The following ADAMTSL1 variants were observed in gnomAD, a reference collection of about 807,000 sequenced individuals.
ADAMTSL1 encodes the protein ADAMTS like 1.
A neutral mutation model predicts 201.8 loss-of-function variants in ADAMTSL1; 126 were observed. The ratio of observed to expected loss-of-function variants is 0.62; its 90% CI spans 0.54 to 0.72. ADAMTSL1 has a LOEUF of 0.72. Among genes scored for constraint, ADAMTSL1 ranks in the 30% least tolerant of loss-of-function variants. The pLI is 0.00. For missense variants in ADAMTSL1, 2,679 were observed against 2,277.8 expected (o/e 1.18, Z -3.59); for synonymous variants, 1,121 against 903.4 (o/e 1.24, Z -4.32).
chr9:18,433,989 T>C (rs1250852970), intron 2 of ADAMTSL1, among the ~76,000 whole-genome samples: 1 of 152,226 alleles, frequency 6.6e-6, no homozygotes, highest in Non-Finnish European at 1.5e-5. Flanking sequence ...AATTTTAGTG[T>C]TTCACACAGG....
At chr9:18,250,850 A>T (rs544730707) in intron 2 of ADAMTSL1, among the ~76,000 whole-genome samples, 2 of 152,182 alleles carry the variant, frequency 1.3e-5, no homozygotes, top group African/African-American at 2.4e-5. Context: ...TTCTACCACC[A>T]GCCCGTTTGC....
At chr9:18,901,327 C>T (rs4320629) in intron 26 of ADAMTSL1, among the ~76,000 whole-genome samples, 1 of 151,804 alleles carries the variant, frequency 6.6e-6, no homozygotes, top group Non-Finnish European at 1.5e-5. Flanking sequence ...TAAAAAGATG[C>T]TAGTTAACTC....
At chr9:18,207,932 G>A (rs994166236) in intron 2 of ADAMTSL1, among the ~76,000 whole-genome samples, 5 of 152,162 alleles carry the variant, frequency 3.3e-5, no homozygotes, top group African/African-American at 1.2e-4. Flanking sequence ...CTAGAGAGAA[G>A]CACTGTCTTG....
chr9:18,623,243 C>G (rs1367058167), intron 5 of ADAMTSL1, among the ~76,000 whole-genome samples: 3 of 140,736 alleles, frequency 2.1e-5, no homozygotes, highest in African/African-American at 8.1e-5. Context: ...TCAATACTAG[C>G]AAAAAAAAAA....
At chr9:18,245,928 T>C (rs1401973664) in intron 2 of ADAMTSL1, among the ~76,000 whole-genome samples, 1 of 152,204 alleles carries the variant, frequency 6.6e-6, no homozygotes, top group Non-Finnish European at 1.5e-5. Flanking sequence ...TTTTGTGGTC[T>C]GAATTGAAAT....
At chr9:18,336,534 G>A (rs981877769) in intron 2 of ADAMTSL1, among the ~76,000 whole-genome samples, 2 of 152,104 alleles carry the variant, frequency 1.3e-5, no homozygotes, top group Non-Finnish European at 2.9e-5. Flanking sequence ...GTAAAAAGTA[G>A]AACCATGTGG....
At chr9:18,475,427 G>A (rs1821400106) in intron 1 of ADAMTSL1, among the ~76,000 whole-genome samples, 1 of 152,136 alleles carries the variant, frequency 6.6e-6, no homozygotes, top group Admixed American at 6.6e-5. Context: ...ATCAAATAGA[G>A]TAATCAGACA....
intron 2 of ADAMTSL1, among the ~76,000 whole-genome samples, chr9:18,513,022 C>T (rs563570333): frequency 1.3e-5 from 2 of 152,206 alleles, no homozygotes; most frequent in African/African-American, 4.8e-5. Context: ...ACCAATTCTA[C>T]TTTTGCAGAA....
chr9:18,635,626 G>T (rs529287852), intron 5 of ADAMTSL1, among the ~76,000 whole-genome samples: 20 of 152,158 alleles, frequency 1.3e-4, no homozygotes, highest in African/African-American at 4.6e-4. Context: ...TTTTAATTCA[G>T]CCCAAGTGTT....
chr9:18,057,765 C>G (rs1213381588), intron 1 of ADAMTSL1, among the ~76,000 whole-genome samples: 1 of 152,204 alleles, frequency 6.6e-6, no homozygotes, highest in Non-Finnish European at 1.5e-5. Flanking sequence ...ATGCTGTTCC[C>G]TCTGCCAATA....
At chr9:18,006,175 G>A (rs1243201963) in intron 1 of ADAMTSL1, among the ~76,000 whole-genome samples, 1 of 151,970 alleles carries the variant, frequency 6.6e-6, no homozygotes, top group African/African-American at 2.4e-5. Context: ...ATATCACTGA[G>A]TGTGGACTTG....
chr9:18,906,057 C>T (rs973011541), intron 27 of ADAMTSL1, among the ~76,000 whole-genome samples, 166 bp downstream of exon 27: 1 of 152,220 alleles, frequency 6.6e-6, no homozygotes, highest in Non-Finnish European at 1.5e-5. Context: ...AGGCAGATGA[C>T]TCAGTGTCGG....
chr9:17,987,953 C>CT, intron 1 of ADAMTSL1, among the ~76,000 whole-genome samples: 1 of 152,000 alleles, frequency 6.6e-6, no homozygotes, highest in Non-Finnish European at 1.5e-5. Context: ...ATTTTTAAAT[C>CT]TTTTTTTGAA....
At chr9:18,334,222 G>A (rs1387803846) in intron 2 of ADAMTSL1, among the ~76,000 whole-genome samples, 1 of 152,146 alleles carries the variant, frequency 6.6e-6, no homozygotes, top group African/African-American at 2.4e-5. Context: ...GGTCCCAGGA[G>A]TGCCATTTTA....
chr9:18,187,347 T>G (rs924964488), intron 2 of ADAMTSL1, among the ~76,000 whole-genome samples: 1 of 152,170 alleles, frequency 6.6e-6, no homozygotes, highest in Admixed American at 6.5e-5. Flanking sequence ...TCTGAAAAAC[T>G]GCATCAGATT....
chr9:18,842,237 G>A (rs537838561), intron 23 of ADAMTSL1, among the ~76,000 whole-genome samples: 6 of 152,188 alleles, frequency 3.9e-5, no homozygotes, highest in Admixed American at 2.0e-4. Context: ...GGTATGTTGT[G>A]TCTTTGTTCT....
intron 1 of ADAMTSL1, among the ~76,000 whole-genome samples, chr9:18,014,861 G>GA (rs1424862338): frequency 6.6e-6 from 1 of 152,026 alleles, no homozygotes; most frequent in Non-Finnish European, 1.5e-5. Context: ...GCAGCTTGTG[G>GA]AAAATCACTT....
At position 18,776,972 on chromosome 9, in the gene ADAMTSL1, G is replaced by T. The variant is rs371249720; in HGVS notation, c.2743G>T (p.Gly915Cys). The T allele has an allele frequency of 2.8e-5, 45 of 1,598,084 alleles. No individual in the cohort carries two copies. In the African/African-American group the frequency reaches 5.0e-4, roughly 18 times the overall value. Residue 915 changes from glycine to cysteine, a missense_variant, in exon 19 of 29, where the codon GGC becomes TGC. Coordinates refer to ENST00000380548, the MANE Select transcript of ADAMTSL1 (RefSeq NM_001040272.6). ...RKPLITWEKD[G>C]QHLISSTHVT... ...GCCCCTCATCACCTGGGAGAAGGAC[G>T]GCCAGCACCTCATCAGCTCGACGCA...
In ADAMTSL1 at chr9:18,892,608, G is replaced by A. The variant is rs1421260020; in HGVS notation, c.4851+12G>A. On this transcript the variant is annotated intron_variant, in intron 26 of 28. Coordinates refer to ENST00000380548, the MANE Select transcript of ADAMTSL1 (RefSeq NM_001040272.6). ...CCAGCTGGGGCCAGGTGAGGAGCCA[G>A]AGAGGTTGTTATTTGAAAGCTAAAT... 2 of 1,552,052 alleles carry A rather than the reference G, an allele frequency of 1.3e-6. No homozygotes were observed.
Sources: gnomAD v4.1 joint callset for allele counts (sites outside exome capture counted in the v4.1 genomes callset) on GRCh38, gnomAD v4.1.1 for gene constraint, MANE v1.5 for transcripts, NCBI Gene and HGNC (gene_info 2026-07-23, HGNC 2026-07-21) for gene names.